WWTR1: variants seen among roughly 807,000 people sequenced by gnomAD.
WWTR1 encodes WW domain containing transcription regulator 1.
In WWTR1, 13 loss-of-function variants were observed where a neutral mutation model predicts 40.1. That is an observed-to-expected ratio of 0.32 (90% confidence interval 0.21 to 0.52). The LOEUF is 0.52. Ranked by LOEUF, WWTR1 falls within the 20% of genes least tolerant of loss-of-function variation. The pLI is 0.97. For missense variants in WWTR1, 436 were observed against 523.1 expected (o/e 0.83, Z 1.63); for synonymous variants, 230 against 210.1 (o/e 1.09, Z -0.82).
chr3:149,595,798 C>A (rs1195866842), intron 2 of WWTR1, among the ~76,000 whole-genome samples: 1 of 152,068 alleles, frequency 6.6e-6, no homozygotes, highest in Non-Finnish European at 1.5e-5. Flanking sequence ...TTTGGGAGGC[C>A]GAGGCAGGTG....
At chr3:149,574,072 C>T (rs1737770120) in intron 2 of WWTR1, among the ~76,000 whole-genome samples, 1 of 151,954 alleles carries the variant, frequency 6.6e-6, no homozygotes, top group South Asian at 2.1e-4. Flanking sequence ...GCTCTGTTAC[C>T]CAGGCTGGAG....
chr3:149,566,831 A>C (rs943124131), intron 3 of WWTR1, among the ~76,000 whole-genome samples: 2 of 151,132 alleles, frequency 1.3e-5, no homozygotes, highest in Non-Finnish European at 3.0e-5. Flanking sequence ...AAAAAAACAC[A>C]CATGTGTTTA....
rs1019185294 is a variant in WWTR1, at chr3:149,645,621, A to G, written c.431+11255T>C. Reference sequence around the variant, plus strand: ...TTTGTTCATTATAGTCACATTTACCATTTGCTTGGGTTTTCTCCTTTCTGA... The same window carrying G: ...TTTGTTCATTATAGTCACATTTACCGTTTGCTTGGGTTTTCTCCTTTCTGA... On this transcript the variant is annotated intron_variant, in intron 2 of 6. Coordinates refer to ENST00000360632, the MANE Select transcript of WWTR1 (RefSeq NM_015472.6). 3.9e-5 allele frequency among the ~76,000 whole-genome samples: 6 copies of G among 152,296 alleles called. No homozygotes were observed. The South Asian group carries it at 1.2e-3, about 32-fold the overall frequency.
chr3:149,619,249 T>C (rs1740150877), intron 2 of WWTR1, among the ~76,000 whole-genome samples: 1 of 152,020 alleles, frequency 6.6e-6, no homozygotes, highest in Non-Finnish European at 1.5e-5. Context: ...AGAAGAAAAA[T>C]AGCACTGTTC....
exon 5 of WWTR1, chr3:149,717,520 C>G (rs951074970): frequency 6.6e-6 from 1 of 152,146 alleles, no homozygotes; most frequent in Admixed American, 6.5e-5. Flanking sequence ...CTGAACTGTT[C>G]CCCTAAGCTT....
chr3:149,544,089 T>A (rs898733848), intron 3 of WWTR1, among the ~76,000 whole-genome samples: 1 of 151,994 alleles, frequency 6.6e-6, no homozygotes, highest in Non-Finnish European at 1.5e-5. Context: ...ATACTTTTCA[T>A]CTTCAGTTTG....
chr3:149,581,563 C>T, intron 2 of WWTR1, among the ~76,000 whole-genome samples: 1 of 152,078 alleles, frequency 6.6e-6, no homozygotes, highest in East Asian at 1.9e-4. Flanking sequence ...TTAGGATCCT[C>T]TAATAAAAGA....
At chr3:149,596,037 C>CA (rs934446226) in intron 2 of WWTR1, among the ~76,000 whole-genome samples, 80 of 147,760 alleles carry the variant, frequency 5.4e-4, no homozygotes, top group East Asian at 1.4e-3. Flanking sequence ...TTCCATCTCT[C>CA]AAAAAAAAAC....
At position 149,534,759 on chromosome 3, in the gene WWTR1, C is replaced by CT. The variant is rs1226359584; in HGVS notation, c.772-6791dup. On this transcript the variant is annotated intron_variant, in intron 4 of 6. Coordinates refer to ENST00000360632, the MANE Select transcript of WWTR1 (RefSeq NM_015472.6). ...ACTTGCAAAATAAGGGCTCAAGAATCTCTTGGTGAGTTTGTGGTCAACTAT... is the reference window on the plus strand; with the variant it reads ...ACTTGCAAAATAAGGGCTCAAGAATCTTCTTGGTGAGTTTGTGGTCAACTAT... Among the ~76,000 whole-genome samples the CT allele has an allele frequency of 8.5e-5, 13 of 152,306 alleles. 1 individual carries two copies. The highest frequency in any genetic ancestry group is 5.9e-4 in the Admixed American group (9 of 15,302).
intron 2 of WWTR1, among the ~76,000 whole-genome samples, chr3:149,634,303 T>C (rs1042209897): frequency 2.6e-5 from 4 of 152,194 alleles, no homozygotes; most frequent in South Asian, 2.1e-4. Flanking sequence ...TCAGAGTTCT[T>C]GGCATAATTA....
chr3:149,651,439 C>A (rs1278736509), intron 2 of WWTR1, among the ~76,000 whole-genome samples: 1 of 152,104 alleles, frequency 6.6e-6, no homozygotes, highest in African/African-American at 2.4e-5. Flanking sequence ...CAGAACGGCA[C>A]AGAACGAGAA....
At chr3:149,536,998 A>G (rs1576544249) in intron 4 of WWTR1, among the ~76,000 whole-genome samples, 1 of 152,294 alleles carries the variant, frequency 6.6e-6, no homozygotes, top group East Asian at 1.9e-4. Context: ...AGGTAAAGCC[A>G]TATGCCTGTT....
chr3:149,655,389 G>A (rs1051063058), intron 2 of WWTR1, among the ~76,000 whole-genome samples: 14 of 152,150 alleles, frequency 9.2e-5, no homozygotes, highest in East Asian at 5.8e-4. Context: ...AGGTTGCAGT[G>A]AGCCGAGATT....
chr3:149,708,936 T>C (rs1422509039), intron 5 of WWTR1, among the ~76,000 whole-genome samples: 1 of 152,188 alleles, frequency 6.6e-6, no homozygotes, highest in Non-Finnish European at 1.5e-5. Context: ...ACCAACATCA[T>C]ACTAGTGTTC....
intron 4 of WWTR1, among the ~76,000 whole-genome samples, chr3:149,538,216 A>G (rs564509068): frequency 1.3e-4 from 20 of 152,342 alleles, no homozygotes; most frequent in African/African-American, 4.6e-4. Flanking sequence ...CACCACGCTT[A>G]GTCAAAAATT....
rs1711902450 is a variant in WWTR1, at chr3:149,637,528, G to A, written c.431+19348C>T. Among the ~76,000 whole-genome samples, 4 of 152,056 alleles carry A rather than the reference G, an allele frequency of 2.6e-5. No homozygotes were observed. In the South Asian group the frequency reaches 8.3e-4, roughly 32 times the overall value. On this transcript the variant is annotated intron_variant, in intron 2 of 6. Transcript: ENST00000360632. ...TTATCAGCATGAGCCACCGTGCCCG[G>A]CCCATATTCAGTATTAACATTAATC...
chr3:149,666,290 G>C (rs1033783645), intron 2 of WWTR1, among the ~76,000 whole-genome samples: 1 of 152,188 alleles, frequency 6.6e-6, no homozygotes, highest in Non-Finnish European at 1.5e-5. Flanking sequence ...GTGGTTTGGA[G>C]CCAAGGAGAA....
At chr3:149,713,322 C>G (rs933329736) in intron 5 of WWTR1, among the ~76,000 whole-genome samples, 2 of 152,058 alleles carry the variant, frequency 1.3e-5, no homozygotes, top group African/African-American at 4.8e-5. Flanking sequence ...ACCATGAATT[C>G]TCTTCCATAA....
chr3:149,696,627 T>C (rs1399749618), intron 1 of WWTR1, among the ~76,000 whole-genome samples: 1 of 152,212 alleles, frequency 6.6e-6, no homozygotes, highest in African/African-American at 2.4e-5. Context: ...CTCATGATCA[T>C]TGCTGCATAC....
Sources: gnomAD v4.1 joint callset for allele counts (sites outside exome capture counted in the v4.1 genomes callset) on GRCh38, gnomAD v4.1.1 for gene constraint, MANE v1.5 for transcripts, NCBI Gene and HGNC (gene_info 2026-07-23, HGNC 2026-07-21) for gene names.